Variants in CERS5 observed in about 807,000 individuals in gnomAD.
CERS5 encodes ceramide synthase 5, also known as LAG1 homolog, ceramide synthase 5.
Under a neutral mutation model 58.9 loss-of-function variants are expected in CERS5, and 37 were observed. The ratio of observed to expected loss-of-function variants is 0.63; its 90% CI spans 0.48 to 0.83. CERS5 has a LOEUF of 0.83. CERS5 is among the 40% of genes least tolerant of loss of function. CERS5 has a pLI of 0.00. For missense variants in CERS5, 398 were observed against 489.3 expected (o/e 0.81, Z 1.76); for synonymous variants, 147 against 177.8 (o/e 0.83, Z 1.38).
At chr12:50,163,672 G>T (rs1029707376) in intron 1 of CERS5, among the ~76,000 whole-genome samples, 16 of 152,192 alleles carry the variant, frequency 1.1e-4, no homozygotes, top group African/African-American at 3.6e-4. Context: ...CTGAGACAGG[G>T]TCTCACTCTA....
At chr12:50,157,972 A>G (rs1211862018) in intron 1 of CERS5, among the ~76,000 whole-genome samples, 1 of 151,060 alleles carries the variant, frequency 6.6e-6, no homozygotes, top group Admixed American at 6.6e-5. Context: ...TGAGGTGGCA[A>G]GATGGCTTGA....
At chr12:50,143,478 G>A (rs1353109405) in intron 2 of CERS5, 17 of 335,744 alleles carry the variant, frequency 5.1e-5, no homozygotes, top group Non-Finnish European at 4.3e-5. Flanking sequence ...AGGCATGGTG[G>A]CTCATGCCTG....
At chr12:50,162,446 G>A (rs564315749) in intron 1 of CERS5, among the ~76,000 whole-genome samples, 1 of 152,034 alleles carries the variant, frequency 6.6e-6, no homozygotes, top group Non-Finnish European at 1.5e-5. Flanking sequence ...CGGAGTTCTA[G>A]CTTTTAGCAG....
chr12:50,133,690 C>CT, intron 9 of CERS5: 3 of 985,528 alleles, frequency 3.0e-6, no homozygotes, highest in Non-Finnish European at 3.6e-6. Flanking sequence ...TTAAAAAACT[C>CT]TTAACCCTAT....
intron 3 of CERS5, among the ~76,000 whole-genome samples, 179 bp downstream of exon 3, chr12:50,142,895 A>G (rs1456800332): frequency 6.6e-6 from 1 of 152,208 alleles, no homozygotes; most frequent in Non-Finnish European, 1.5e-5. Flanking sequence ...AACATGCCCA[A>G]GAAACTTAAG....
At chr12:50,135,539 G>C (rs865949819) in intron 8 of CERS5, 193 bp downstream of exon 8, 11 of 705,766 alleles carry the variant, frequency 1.6e-5, no homozygotes, top group Middle Eastern at 4.6e-4. Flanking sequence ...TACGGTCTGA[G>C]GCAGCAGAGG....
intron 1 of CERS5, among the ~76,000 whole-genome samples, chr12:50,149,416 A>G (rs933089516): frequency 8.5e-5 from 13 of 152,156 alleles, no homozygotes; most frequent in Non-Finnish European, 1.3e-4. Context: ...CTCCAGATAC[A>G]TAGCAGCAGT....
intron 1 of CERS5, chr12:50,165,596 A>G (rs1461636507): frequency 6.3e-6 from 1 of 159,592 alleles, no homozygotes; most frequent in Non-Finnish European, 1.4e-5. Context: ...TACTACGAAT[A>G]AATGGATGCG....
intron 4 of CERS5, among the ~76,000 whole-genome samples, chr12:50,140,707 C>T (rs1351505817): frequency 6.6e-6 from 1 of 152,016 alleles, no homozygotes; most frequent in Non-Finnish European, 1.5e-5. Flanking sequence ...ATTTTATGGC[C>T]CAGCATTAGT....
chr12:50,138,682 A>G lies in CERS5; in HGVS notation c.493-65T>C, dbSNP rs1317198112. On this transcript the variant is annotated intron_variant, in intron 4 of 9. Coordinates refer to ENST00000317551, the MANE Select transcript of CERS5 (RefSeq NM_147190.5). ...CTCACCTGGCTTCAAGATCTACCTC[A>G]TATAATCCCCTTCTCTCTAGGCTGG... 3 of 1,380,784 alleles carry G rather than the reference A, an allele frequency of 2.2e-6. No individual in the cohort carries two copies. The African/African-American group carries it at 4.3e-5, about 20-fold the overall frequency. The allele number at this position is 1,380,784 out of a possible 1,614,324, so 85.5% of individuals were successfully genotyped here.
At chr12:50,160,466 A>G (rs1451708078) in intron 1 of CERS5, among the ~76,000 whole-genome samples, 1 of 152,066 alleles carries the variant, frequency 6.6e-6, no homozygotes, top group African/African-American at 2.4e-5. Flanking sequence ...CTCTTTAGAC[A>G]CCCCAGTGAG....
intron 1 of CERS5, chr12:50,144,284 C>T (rs1952140633): frequency 4.4e-6 from 2 of 456,684 alleles, no homozygotes; most frequent in Non-Finnish European, 4.0e-6. Context: ...GCTGGGATTA[C>T]AGGCGTGGGC....
intron 1 of CERS5, among the ~76,000 whole-genome samples, chr12:50,151,602 A>C (rs920651939): frequency 6.6e-6 from 1 of 152,180 alleles, no homozygotes; most frequent in African/African-American, 2.4e-5. Context: ...AAACTTACTA[A>C]AGAGGATTCA....
rs1266795757 is a variant in CERS5, at chr12:50,144,031, C to T, written c.224G>A (p.Cys75Tyr). ...ERFIAKPCALCIGIEDSGPYQ... is the reference protein window; with the variant it reads ...ERFIAKPCALYIGIEDSGPYQ... ...AGGACCACTGTCCTCGATGCCAATA[C>T]AGAGTGCACAGGGTTTGGCAATAAA... Residue 75 changes from cysteine (C) to tyrosine (Y), a missense_variant, in exon 2 of 10, where the codon TGT becomes TAT. Cys to Tyr is a radical substitution (Grantham distance 194). Transcript: ENST00000317551. 12 of 1,612,180 alleles carry T rather than the reference C, an allele frequency of 7.4e-6. No individual in the cohort carries two copies. Among genetic ancestry groups the T allele is most frequent in the South Asian group, 4.4e-5 (4 of 91,020 alleles).
At chr12:50,153,999 T>C in intron 1 of CERS5, 1 of 255,186 alleles carries the variant, frequency 3.9e-6, no homozygotes, top group South Asian at 3.1e-5. Flanking sequence ...CAATGGATTT[T>C]AACATAATAA....
chr12:50,155,340 T>A (rs1278439414), intron 1 of CERS5, among the ~76,000 whole-genome samples: 1 of 152,080 alleles, frequency 6.6e-6, no homozygotes, highest in Non-Finnish European at 1.5e-5. Flanking sequence ...GGATTCCTTG[T>A]ATACAAGGTA....
chr12:50,167,305 C>G lies in CERS5; in HGVS notation c.-8G>C. ...CTGCGCTGCTGTCGCCATCTTACGC[C>G]CACCCCGAAGCCACCGCCGCCACAA... On this transcript the variant is annotated 5_prime_UTR_variant, in exon 1 of 10. Coordinates refer to ENST00000317551, the MANE Select transcript of CERS5 (RefSeq NM_147190.5). 6.7e-7 allele frequency: 1 copy of G among 1,489,694 alleles called. No individual in the cohort carries two copies. Among genetic ancestry groups the G allele is most frequent in the East Asian group, 2.7e-5 (1 of 37,546 alleles). 92.3% of individuals were successfully genotyped at this position (1,489,694 alleles called of 1,614,324 possible). A position where few individuals can be genotyped will look rare whatever the true frequency, so the allele number is the denominator to read the frequency against.
chr12:50,157,042 G>A (rs919135789), intron 1 of CERS5, among the ~76,000 whole-genome samples: 1 of 152,180 alleles, frequency 6.6e-6, no homozygotes, highest in East Asian at 1.9e-4. Flanking sequence ...CTTAATCTGG[G>A]TGGGCACCAT....
chr12:50,159,189 C>T (rs1054678806), intron 1 of CERS5, among the ~76,000 whole-genome samples: 22 of 151,894 alleles, frequency 1.4e-4, no homozygotes, highest in Admixed American at 3.9e-4. Context: ...GGTGTGGTGG[C>T]GGGCGCCTGT....
Sources: allele counts gnomAD v4.1 joint callset (sites outside exome capture counted in the v4.1 genomes callset), GRCh38; gene constraint gnomAD v4.1.1; transcripts MANE v1.5; gene names NCBI Gene and HGNC (gene_info 2026-07-23, HGNC 2026-07-21).